Variants in GRM7 observed in about 807,000 individuals in gnomAD.
GRM7 encodes glutamate metabotropic receptor 7, also known as metabotropic glutamate receptor 7.
A neutral mutation model predicts 84.5 loss-of-function variants in GRM7; 35 were observed. The observed-to-expected ratio is 0.41, with a 90% CI of 0.32 to 0.55. The LOEUF is 0.55. Among genes scored for constraint, GRM7 ranks in the 20% least tolerant of loss-of-function variants. The pLI is 0.19. For missense variants in GRM7, 1,003 were observed against 1,194.6 expected, an observed-to-expected ratio of 0.84 and a Z score of 2.36; for synonymous variants, 487 against 455.1, an observed-to-expected ratio of 1.07 and a Z score of -0.89.
intron 1 of GRM7, among the ~76,000 whole-genome samples, chr3:7,130,657 G>A (rs1017796624): frequency 1.1e-4 from 16 of 151,724 alleles, no homozygotes; most frequent in African/African-American, 3.6e-4. Flanking sequence ...TAGTGGTGTT[G>A]GCACTGATGA....
At chr3:7,147,216 C>T (rs575223207) in intron 2 of GRM7, among the ~76,000 whole-genome samples, 1 of 152,118 alleles carries the variant, frequency 6.6e-6, no homozygotes, top group Non-Finnish European at 1.5e-5. Context: ...CTTCAGCAGC[C>T]CTTGGAGAGG....
chr3:7,005,176 A>G (rs1695140636), intron 1 of GRM7, among the ~76,000 whole-genome samples: 1 of 152,108 alleles, frequency 6.6e-6, no homozygotes, highest in African/African-American at 2.4e-5. Context: ...GCTGGTCATC[A>G]TTTTCACAGC....
intron 1 of GRM7, among the ~76,000 whole-genome samples, chr3:7,019,146 A>G (rs945530782): frequency 2.6e-5 from 4 of 152,210 alleles, no homozygotes. Flanking sequence ...GAAAATGTAT[A>G]GTTTCTGTAT....
intron 1 of GRM7, among the ~76,000 whole-genome samples, chr3:7,076,540 G>T (rs912039379): frequency 1.3e-5 from 2 of 152,036 alleles, no homozygotes; most frequent in African/African-American, 4.8e-5. Flanking sequence ...GTTTCCTAAG[G>T]CCTCCTAGCT....
At chr3:7,519,099 C>T (rs1023467483) in intron 7 of GRM7, among the ~76,000 whole-genome samples, 5 of 152,124 alleles carry the variant, frequency 3.3e-5, no homozygotes, top group Non-Finnish European at 4.4e-5. Context: ...AAAATGACAG[C>T]GTGAAAATAT....
intron 1 of GRM7, among the ~76,000 whole-genome samples, chr3:6,869,893 C>T (rs1477790707): frequency 6.6e-6 from 1 of 152,018 alleles, no homozygotes; most frequent in Non-Finnish European, 1.5e-5. Context: ...AGCTTTACTC[C>T]TTCTTTCCTT....
chr3:7,319,884 T>G (rs1575162982), intron 4 of GRM7, among the ~76,000 whole-genome samples: 3 of 152,000 alleles, frequency 2.0e-5, no homozygotes, highest in Non-Finnish European at 4.4e-5. Flanking sequence ...GATATGCAAG[T>G]CTTAAATGTA....
chr3:7,613,411 T>C (rs1487426843), intron 8 of GRM7, among the ~76,000 whole-genome samples: 2 of 152,172 alleles, frequency 1.3e-5, no homozygotes, highest in Non-Finnish European at 2.9e-5. Context: ...GCGGCTAGAT[T>C]CTAGCCCAGA....
chr3:7,575,914 T>C (rs1030502143), intron 7 of GRM7, among the ~76,000 whole-genome samples: 6 of 152,134 alleles, frequency 3.9e-5, no homozygotes, highest in African/African-American at 1.4e-4. Flanking sequence ...AGGGGAAAAA[T>C]AATGAGTTGG....
chr3:7,351,341 A>G (rs1001109391), intron 4 of GRM7, among the ~76,000 whole-genome samples: 2,860 of 145,728 alleles, frequency 0.02, 36 homozygotes, highest in Non-Finnish European at 0.027. Flanking sequence ...CCACAGGCGA[A>G]AAAAAAAAAA....
intron 8 of GRM7, among the ~76,000 whole-genome samples, chr3:7,639,402 A>G (rs757943393): frequency 2.0e-5 from 3 of 152,132 alleles, no homozygotes; most frequent in African/African-American, 7.2e-5. Context: ...CTGCCCTTCT[A>G]TCTCTCCCAT....
At chr3:7,210,664 T>A (rs1696391828) in intron 2 of GRM7, among the ~76,000 whole-genome samples, 2 of 152,172 alleles carry the variant, frequency 1.3e-5, no homozygotes, top group Non-Finnish European at 1.5e-5. Flanking sequence ...TGTGTCAGCA[T>A]CTAAGCTGAT....
At chr3:6,972,308 C>G (rs1404258570) in intron 1 of GRM7, among the ~76,000 whole-genome samples, 1 of 152,138 alleles carries the variant, frequency 6.6e-6, no homozygotes, top group Non-Finnish European at 1.5e-5. Flanking sequence ...TACATTGGCC[C>G]TTCCTCAAAC....
At chr3:7,331,865 T>G (rs112539515) in intron 4 of GRM7, among the ~76,000 whole-genome samples, 111 of 152,250 alleles carry the variant, frequency 7.3e-4, no homozygotes, top group African/African-American at 2.5e-3. Context: ...GTCAATTATA[T>G]TTTTTAAAGG....
At chr3:7,155,604 GT>G in intron 2 of GRM7, among the ~76,000 whole-genome samples, 1 of 152,212 alleles carries the variant, frequency 6.6e-6, no homozygotes, top group South Asian at 2.1e-4. Flanking sequence ...TTCCTAAATT[GT>G]TTTGTATTTT....
At chr3:7,600,684 T>G (rs1371920332) in intron 8 of GRM7, among the ~76,000 whole-genome samples, 1 of 152,206 alleles carries the variant, frequency 6.6e-6, no homozygotes, top group East Asian at 1.9e-4. Flanking sequence ...AAATTACCTG[T>G]TAAAATGCCT....
intron 1 of GRM7, among the ~76,000 whole-genome samples, chr3:6,909,148 A>G (rs1696682704): frequency 6.6e-6 from 1 of 152,304 alleles, no homozygotes; most frequent in South Asian, 2.1e-4. Flanking sequence ...ATACAAGAAC[A>G]TGACGTCTGA....
chr3:6,995,501 A>G (rs979778841), intron 1 of GRM7, among the ~76,000 whole-genome samples: 1 of 152,204 alleles, frequency 6.6e-6, no homozygotes, highest in African/African-American at 2.4e-5. Context: ...CCTAACTACT[A>G]TTACACTTTA....
chr3:7,069,928 G>A (rs974443650), intron 1 of GRM7, among the ~76,000 whole-genome samples: 13 of 152,066 alleles, frequency 8.5e-5, no homozygotes, highest in Non-Finnish European at 1.3e-4. Context: ...ACTTTCCATA[G>A]AGTTGGAGGA....
Sources: gnomAD v4.1 joint callset for allele counts (sites outside exome capture counted in the v4.1 genomes callset) on GRCh38, gnomAD v4.1.1 for gene constraint, MANE v1.5 for transcripts, NCBI Gene and HGNC (gene_info 2026-07-23, HGNC 2026-07-21) for gene names.